SLC16A7: variants seen among roughly 807,000 people sequenced by gnomAD.
SLC16A7 encodes solute carrier family 16 member 7.
SLC16A7 carries 33 observed loss-of-function variants against 34.9 expected under a neutral mutation model. The ratio of observed to expected loss-of-function variants is 0.94; its 90% CI spans 0.72 to 1.26. SLC16A7 has a LOEUF of 1.26. Among genes scored for constraint, SLC16A7 ranks in the 50% most tolerant of loss-of-function variants. The pLI is 0.00. For missense variants in SLC16A7, 573 were observed against 578.1 expected (o/e 0.99, Z 0.09); for synonymous variants, 201 against 206.6 (o/e 0.97, Z 0.23).
At chr12:59,645,197 C>G (rs980314718) in intron 1 of SLC16A7, among the ~76,000 whole-genome samples, 1 of 152,046 alleles carries the variant, frequency 6.6e-6, no homozygotes, top group Non-Finnish European at 1.5e-5. Context: ...TCTATTCAGG[C>G]TAGAAAGTTA....
intron 1 of SLC16A7, among the ~76,000 whole-genome samples, chr12:59,620,785 T>A (rs1412394211): frequency 6.6e-6 from 1 of 151,848 alleles, no homozygotes; most frequent in African/African-American, 2.4e-5. Context: ...TATGGGAGTA[T>A]TAATCAGAAA....
chr12:59,607,164 A>C (rs1175968870), intron 1 of SLC16A7, among the ~76,000 whole-genome samples: 1 of 152,174 alleles, frequency 6.6e-6, no homozygotes, highest in African/African-American at 2.4e-5. Context: ...GAGAAAAAAA[A>C]AATTATTAAA....
chr12:59,697,199 C>G (rs1245922673), intron 2 of SLC16A7, among the ~76,000 whole-genome samples: 1 of 151,872 alleles, frequency 6.6e-6, no homozygotes, highest in East Asian at 1.9e-4. Flanking sequence ...AATCAGAATT[C>G]CTAGGTGATA....
intron 3 of SLC16A7, among the ~76,000 whole-genome samples, chr12:59,736,834 C>T (rs1019846408): frequency 2.6e-5 from 4 of 152,218 alleles, no homozygotes; most frequent in African/African-American, 7.2e-5. Flanking sequence ...CCAATGATTT[C>T]TAGTCTTGCA....
At chr12:59,615,003 AAAAAATAAATAAAT>A (rs1158407636) in intron 1 of SLC16A7, among the ~76,000 whole-genome samples, 1 of 151,198 alleles carries the variant, frequency 6.6e-6, no homozygotes, top group African/African-American at 2.4e-5. Context: ...GATCCATCTC[AAAAAATAAATAAAT>A]AAAAATAAAT....
chr12:59,708,378 TCACTTTATATACAA>T, intron 3 of SLC16A7, among the ~76,000 whole-genome samples: 1 of 152,248 alleles, frequency 6.6e-6, no homozygotes, highest in East Asian at 1.9e-4. Context: ...GAAAACAACT[TCACTTTATATACAA>T]CACAGGGGTT....
At chr12:59,661,866 T>G (rs773655151) in intron 2 of SLC16A7, among the ~76,000 whole-genome samples, 1 of 152,128 alleles carries the variant, frequency 6.6e-6, no homozygotes, top group African/African-American at 2.4e-5. Context: ...TTTTACATTA[T>G]AACTCTAAGA....
chr12:59,774,384 C>T (rs533946439), intron 4 of SLC16A7, among the ~76,000 whole-genome samples: 6 of 152,102 alleles, frequency 3.9e-5, no homozygotes, highest in South Asian at 2.1e-4. Flanking sequence ...ACCTATTGTA[C>T]GACTGTTGAT....
At chr12:59,765,732 G>A (rs1273254782) in intron 3 of SLC16A7, among the ~76,000 whole-genome samples, 3 of 152,162 alleles carry the variant, frequency 2.0e-5, no homozygotes, top group Non-Finnish European at 4.4e-5. Flanking sequence ...TTTGGTGACT[G>A]TAGCCTTGTA....
At chr12:59,779,323 T>A (rs1883055219) in intron 5 of SLC16A7, 100 bp from the exon 6 acceptor site, 1 of 903,724 alleles carries the variant, frequency 1.1e-6, no homozygotes, top group Non-Finnish European at 1.6e-6. Context: ...GACATTAATT[T>A]AAATAAGAGG....
chr12:59,764,202 A>C (rs2137404204), intron 3 of SLC16A7: 2 of 152,314 alleles, frequency 1.3e-5, no homozygotes, highest in South Asian at 4.1e-4. Flanking sequence ...TTTGGATACA[A>C]GATCAAACCA....
At chr12:59,620,796 C>T (rs1879665388) in intron 1 of SLC16A7, among the ~76,000 whole-genome samples, 1 of 151,756 alleles carries the variant, frequency 6.6e-6, no homozygotes, top group South Asian at 2.1e-4. Context: ...TAATCAGAAA[C>T]CAATAAAATT....
chr12:59,695,243 C>T (rs1011594410), intron 2 of SLC16A7, among the ~76,000 whole-genome samples: 1 of 151,910 alleles, frequency 6.6e-6, no homozygotes, highest in Non-Finnish European at 1.5e-5. Flanking sequence ...GAAGTTCTCC[C>T]TGCCAGAGGA....
At chr12:59,737,630 A>T (rs1877751657) in intron 3 of SLC16A7, among the ~76,000 whole-genome samples, 1 of 152,170 alleles carries the variant, frequency 6.6e-6, no homozygotes, top group African/African-American at 2.4e-5. Context: ...CTAATGTTTA[A>T]TACCATTGCT....
intron 2 of SLC16A7, among the ~76,000 whole-genome samples, chr12:59,678,396 T>A (rs887199860): frequency 1.3e-5 from 2 of 152,090 alleles, no homozygotes; most frequent in African/African-American, 2.4e-5. Context: ...CTGCAGTAGG[T>A]AGCTCCTCTC....
intron 1 of SLC16A7, among the ~76,000 whole-genome samples, chr12:59,648,361 A>T (rs999432865): frequency 1.3e-5 from 2 of 152,314 alleles, no homozygotes; most frequent in Non-Finnish European, 2.9e-5. Context: ...CATAGGCATG[A>T]GGGACTTGAG....
chr12:59,668,905 A>T (rs563880915), intron 2 of SLC16A7, among the ~76,000 whole-genome samples: 1 of 152,174 alleles, frequency 6.6e-6, no homozygotes, highest in Non-Finnish European at 1.5e-5. Flanking sequence ...GGTTTTATAA[A>T]GGGGAGTTCC....
intron 3 of SLC16A7, among the ~76,000 whole-genome samples, chr12:59,710,388 C>G (rs1289351738): frequency 6.6e-6 from 1 of 152,146 alleles, no homozygotes; most frequent in Admixed American, 6.6e-5. Flanking sequence ...GGAATCATGG[C>G]CCTGGAGCTT....
At chr12:59,622,090 T>C (rs1485385120) in intron 1 of SLC16A7, among the ~76,000 whole-genome samples, 1 of 151,870 alleles carries the variant, frequency 6.6e-6, no homozygotes, top group Non-Finnish European at 1.5e-5. Context: ...TATTCTGCTG[T>C]GTGCTCAAAA....
Sources: gnomAD v4.1 joint callset for allele counts (sites outside exome capture counted in the v4.1 genomes callset) on GRCh38, gnomAD v4.1.1 for gene constraint, MANE v1.5 for transcripts, NCBI Gene and HGNC (gene_info 2026-07-23, HGNC 2026-07-21) for gene names.